The following TDRD10 variants were observed in gnomAD, a reference collection of about 807,000 sequenced individuals.
The protein encoded by TDRD10 is tudor domain-containing protein 10.
A neutral mutation model predicts 48.0 loss-of-function variants in TDRD10; 40 were observed. The ratio of observed to expected loss-of-function variants is 0.83; its 90% confidence interval spans 0.65 to 1.09. TDRD10 has a LOEUF of 1.09. TDRD10 is among the 50% of genes least tolerant of loss of function. The pLI, the probability that TDRD10 is intolerant of heterozygous loss-of-function variation, is 0.00. For missense variants in TDRD10, 378 were observed against 434.7 expected (o/e 0.87, Z 1.16); for synonymous variants, 162 against 170.4 (o/e 0.95, Z 0.38).
At chr1:154,513,890 A>T (rs1310854001) in intron 4 of TDRD10, among the ~76,000 whole-genome samples, 1 of 152,106 alleles carries the variant, frequency 6.6e-6, no homozygotes, top group Non-Finnish European at 1.5e-5. Flanking sequence ...ATTTAAGGAG[A>T]TTTAGAAGAG....
intron 6 of TDRD10, among the ~76,000 whole-genome samples, chr1:154,536,071 A>G (rs1466716067): frequency 6.6e-6 from 1 of 152,230 alleles, no homozygotes. Flanking sequence ...AAAAAGCAGC[A>G]GTTAATTCCT....
chr1:154,534,050 A>G (rs1694796750), intron 6 of TDRD10, among the ~76,000 whole-genome samples: 2 of 152,070 alleles, frequency 1.3e-5, no homozygotes, highest in Non-Finnish European at 2.9e-5. Flanking sequence ...ATGGGAAAAA[A>G]AATGAAGAAT....
At chr1:154,508,201 A>G (rs1351091050) in intron 3 of TDRD10, among the ~76,000 whole-genome samples, 3 of 152,180 alleles carry the variant, frequency 2.0e-5, no homozygotes, top group Non-Finnish European at 2.9e-5. Context: ...GTGTATGTGC[A>G]TGGGAATATT....
At chr1:154,520,175 G>A (rs1323599336) in intron 4 of TDRD10, 129 bp from the exon 5 acceptor site, 4 of 682,720 alleles carry the variant, frequency 5.9e-6, no homozygotes, top group South Asian at 1.7e-5. Flanking sequence ...GGCACGTACA[G>A]CACATAATAG....
At chr1:154,521,054 G>A (rs1051685336) in intron 5 of TDRD10, among the ~76,000 whole-genome samples, 4 of 152,082 alleles carry the variant, frequency 2.6e-5, no homozygotes, top group Admixed American at 1.3e-4. Flanking sequence ...TGAACTTTTG[G>A]GGCAGTAGTA....
intron 7 of TDRD10, 49 bp downstream of exon 7, chr1:154,542,115 C>G (rs1215153131): frequency 6.2e-7 from 1 of 1,602,306 alleles, no homozygotes; most frequent in Admixed American, 1.7e-5. Context: ...TTTGCAGCTC[C>G]TAATGGACCT....
chr1:154,547,346 T>G, intron 11 of TDRD10, 63 bp from the exon 12 acceptor site: 1 of 1,594,030 alleles, frequency 6.3e-7, no homozygotes, highest in Non-Finnish European at 8.6e-7. Flanking sequence ...TTTGCTTCCC[T>G]CCTTTGCTCC....
intron 6 of TDRD10, among the ~76,000 whole-genome samples, chr1:154,521,949 A>G (rs1451775075): frequency 2.0e-5 from 3 of 152,162 alleles, no homozygotes. Context: ...CTGCAAGCAG[A>G]GAAGATAAGG....
intron 10 of TDRD10, 106 bp from the exon 11 acceptor site, chr1:154,544,689 C>A: frequency 6.6e-7 from 1 of 1,506,418 alleles, no homozygotes; most frequent in Non-Finnish European, 8.9e-7. Context: ...AGCAAACTCG[C>A]TCTTCCTCCC....
intron 3 of TDRD10, 116 bp from the exon 4 acceptor site, chr1:154,508,307 G>T: frequency 2.7e-6 from 2 of 730,382 alleles, no homozygotes; most frequent in Non-Finnish European, 4.9e-6. Context: ...TTGAGCCCAG[G>T]AATTTGAGAC....
rs768404751 is a variant in TDRD10 at position 154,544,464 on chromosome 1, G to A, written c.744G>A (p.Gly248=). 54 of 1,613,246 alleles carry A rather than the reference G, an allele frequency of 3.3e-5. No homozygotes were observed. The highest frequency in any genetic ancestry group is 4.5e-5 in the Non-Finnish European group (53 of 1,179,880). The change falls in exon 10 of 13, where the codon GGG becomes GGA. Residue 248 remains glycine, a synonymous_variant. Coordinates refer to ENST00000368482, the MANE Select transcript of TDRD10 (RefSeq NM_182499.4). ...TGGAGGGCTCCACCGTTATGCGCGG[G>A]ACTCGCTGTCTGGCAGAGTACCACC... ...PYLEGSTVMR[G]TRCLAEYHLG...
intron 8 of TDRD10, 94 bp downstream of exon 8, chr1:154,542,915 G>C: frequency 1.2e-5 from 13 of 1,060,280 alleles, no homozygotes; most frequent in Non-Finnish European, 1.8e-5. Context: ...ACTGGGGTGG[G>C]GGATAGTTTT....
chr1:154,515,207 A>G (rs922577783), intron 4 of TDRD10, among the ~76,000 whole-genome samples: 1 of 152,030 alleles, frequency 6.6e-6, no homozygotes, highest in African/African-American at 2.4e-5. Context: ...CATGTTGCTC[A>G]GGCTGGTCTC....
At chr1:154,546,019 C>T (rs1216291132) in intron 11 of TDRD10, among the ~76,000 whole-genome samples, 1 of 148,706 alleles carries the variant, frequency 6.7e-6, no homozygotes, top group African/African-American at 2.5e-5. Context: ...GTGATCCGCC[C>T]ACCTCGGCCT....
At chr1:154,516,951 A>C (rs895349295) in intron 4 of TDRD10, among the ~76,000 whole-genome samples, 3 of 152,236 alleles carry the variant, frequency 2.0e-5, no homozygotes, top group African/African-American at 7.2e-5. Context: ...TGACTCAAAA[A>C]AAAAGGCACA....
At chr1:154,544,183 C>T (rs984036118) in intron 9 of TDRD10, 73 bp downstream of exon 9, 40 of 1,604,716 alleles carry the variant, frequency 2.5e-5, no homozygotes, top group Non-Finnish European at 3.1e-5. Context: ...GGCATGGTGA[C>T]GGGGCCGGTC....
intron 6 of TDRD10, among the ~76,000 whole-genome samples, chr1:154,538,476 G>T (rs554894212): frequency 6.6e-6 from 1 of 151,214 alleles, no homozygotes; most frequent in Non-Finnish European, 1.5e-5. Flanking sequence ...CTTGAACCTG[G>T]GAGGTAGAGG....
chr1:154,517,976 G>A (rs1180919322), intron 4 of TDRD10, among the ~76,000 whole-genome samples: 1 of 152,170 alleles, frequency 6.6e-6, no homozygotes, highest in African/African-American at 2.4e-5. Flanking sequence ...AATGTTTGGT[G>A]TTGTCCAACT....
Position 154,544,534 on chromosome 1 carries a change from G to C in TDRD10, c.797+17G>C. On this transcript the variant is annotated intron_variant, in intron 10 of 12. Coordinates refer to ENST00000368482, the MANE Select transcript of TDRD10 (RefSeq NM_182499.4). ...CTGGAACAGGTGTGTGCCTGGGCAG[G>C]GGTAGAGTCTATGGGAGAGGCGTGC... is the stretch of plus-strand genomic sequence containing the variant. 1 of 1,611,724 alleles carries C rather than the reference G, an allele frequency of 6.2e-7. No individual in the cohort carries two copies. Among genetic ancestry groups the C allele is most frequent in the African/African-American group, 1.3e-5 (1 of 75,012 alleles).
Sources: allele counts gnomAD v4.1 joint callset (sites outside exome capture counted in the v4.1 genomes callset), GRCh38; gene constraint gnomAD v4.1.1; transcripts MANE v1.5; gene names NCBI Gene and HGNC (gene_info 2026-07-23, HGNC 2026-07-21).